ARHGAP24: variants seen among roughly 807,000 people sequenced by gnomAD.
The protein encoded by ARHGAP24 is rho GTPase-activating protein 24.
Under a neutral mutation model 76.4 loss-of-function variants are expected in ARHGAP24, and 50 were observed. The observed-to-expected ratio is 0.65, with a 90% CI of 0.52 to 0.83. The LOEUF (loss-of-function observed/expected upper bound fraction) is 0.83. ARHGAP24 is among the 40% of genes least tolerant of loss of function. The pLI is 0.00. For synonymous variants in ARHGAP24, 345 were observed against 323.3 expected (o/e 1.07, Z -0.72); for missense variants, 930 against 914.2 (o/e 1.02, Z -0.22).
chr4:85,890,586 G>T lies in ARHGAP24; in HGVS notation c.269-33062G>T, dbSNP rs144143164. On this transcript the variant is annotated intron_variant, in intron 3 of 9. Coordinates refer to ENST00000395184, the MANE Select transcript of ARHGAP24 (RefSeq NM_001025616.3). ...CAACCTCAGTCTTTAAGTTTGAATA[G>T]AAATTTTACAAGGAAATAAAGAGGT... 3.3e-5 allele frequency among the ~76,000 whole-genome samples: 5 copies of T among 152,266 alleles called. No individual in the cohort carries two copies. In the East Asian group the frequency reaches 9.6e-4, roughly 29 times the overall value.
intron 3 of ARHGAP24, among the ~76,000 whole-genome samples, chr4:85,916,512 AT>A (rs1367610452): frequency 6.6e-6 from 1 of 152,182 alleles, no homozygotes; most frequent in Non-Finnish European, 1.5e-5. Context: ...ACTTAAAAAA[AT>A]AAATAAATAA....
At chr4:85,675,163 C>G (rs896583139) in intron 2 of ARHGAP24, among the ~76,000 whole-genome samples, 1 of 152,086 alleles carries the variant, frequency 6.6e-6, no homozygotes, top group African/African-American at 2.4e-5. Flanking sequence ...CTGCATGTAG[C>G]AGAAAGAGGA....
At chr4:85,539,425 TGA>T (rs1291823150) in intron 1 of ARHGAP24, among the ~76,000 whole-genome samples, 2 of 152,044 alleles carry the variant, frequency 1.3e-5, no homozygotes, top group East Asian at 3.9e-4. Context: ...CATTTTAATG[TGA>T]GTTAAGAGAA....
intron 3 of ARHGAP24, among the ~76,000 whole-genome samples, chr4:85,849,425 C>T (rs1339150548): frequency 6.6e-6 from 1 of 152,110 alleles, no homozygotes; most frequent in Non-Finnish European, 1.5e-5. Context: ...CTTTCCTAAT[C>T]GAATAGCCTT....
chr4:85,707,882 CTTG>C (rs2110032031), intron 2 of ARHGAP24, among the ~76,000 whole-genome samples: 1 of 152,218 alleles, frequency 6.6e-6, no homozygotes, highest in African/African-American at 2.4e-5. Context: ...TCATAAATTA[CTTG>C]TTAATTGTGT....
At chr4:85,924,287 A>T (rs1335460657) in intron 4 of ARHGAP24, among the ~76,000 whole-genome samples, 2 of 152,180 alleles carry the variant, frequency 1.3e-5, no homozygotes, top group Non-Finnish European at 2.9e-5. Flanking sequence ...GTTTTAGTTA[A>T]CACAGTGTTG....
chr4:85,923,562 G>A, intron 3 of ARHGAP24, 86 bp from the exon 4 acceptor site: 1 of 1,582,676 alleles, frequency 6.3e-7, no homozygotes, highest in South Asian at 1.1e-5. Flanking sequence ...ATTAGGCACA[G>A]TCTCTGTTTC....
At chr4:85,936,342 A>G (rs1266743272) in intron 4 of ARHGAP24, among the ~76,000 whole-genome samples, 1 of 152,158 alleles carries the variant, frequency 6.6e-6, no homozygotes, top group Non-Finnish European at 1.5e-5. Flanking sequence ...GCATGCATTT[A>G]TTCCATAAAT....
intron 3 of ARHGAP24, among the ~76,000 whole-genome samples, chr4:85,910,569 A>G (rs544372196): frequency 5.3e-5 from 8 of 152,218 alleles, no homozygotes; most frequent in African/African-American, 1.9e-4. Context: ...CTCTGTAGAC[A>G]GGTCGTCCCG....
At chr4:85,574,417 C>T (rs1000916482) in intron 2 of ARHGAP24, among the ~76,000 whole-genome samples, 1 of 152,074 alleles carries the variant, frequency 6.6e-6, no homozygotes, top group African/African-American at 2.4e-5. Context: ...CAAGAGGTGA[C>T]CCTGACCTGG....
chr4:85,841,470 A>G (rs1242298845), intron 3 of ARHGAP24, among the ~76,000 whole-genome samples: 1 of 152,252 alleles, frequency 6.6e-6, no homozygotes, highest in East Asian at 1.9e-4. Context: ...CTTAACTTAT[A>G]GTGTAATAGT....
intron 1 of ARHGAP24, among the ~76,000 whole-genome samples, chr4:85,564,172 C>T (rs925441230): frequency 1.3e-5 from 2 of 151,998 alleles, no homozygotes; most frequent in Non-Finnish European, 2.9e-5. Flanking sequence ...AAAAGAATAC[C>T]AACAAATATT....
At chr4:85,632,211 C>A (rs1406882763) in intron 2 of ARHGAP24, among the ~76,000 whole-genome samples, 1 of 151,890 alleles carries the variant, frequency 6.6e-6, no homozygotes, top group Non-Finnish European at 1.5e-5. Flanking sequence ...CATATGTTCT[C>A]TGATCTCTAT....
chr4:85,591,648 C>A (rs1728114963), intron 2 of ARHGAP24, among the ~76,000 whole-genome samples: 1 of 152,108 alleles, frequency 6.6e-6, no homozygotes, highest in South Asian at 2.1e-4. Flanking sequence ...AAAGTATTAG[C>A]TTGAGAAAGA....
intron 1 of ARHGAP24, among the ~76,000 whole-genome samples, chr4:85,519,455 C>T (rs1234166893): frequency 6.6e-6 from 1 of 152,094 alleles, no homozygotes; most frequent in Admixed American, 6.6e-5. Context: ...CATGCCTAGA[C>T]TTAGTTCATT....
chr4:85,575,557 T>G (rs1471264280), intron 2 of ARHGAP24, among the ~76,000 whole-genome samples: 1 of 152,198 alleles, frequency 6.6e-6, no homozygotes, highest in Non-Finnish European at 1.5e-5. Flanking sequence ...TAAAACACAT[T>G]TGAACTGAAT....
At chr4:85,906,988 G>C (rs1188913378) in intron 3 of ARHGAP24, among the ~76,000 whole-genome samples, 1 of 152,170 alleles carries the variant, frequency 6.6e-6, no homozygotes, top group East Asian at 1.9e-4. Context: ...GGTAAAAATG[G>C]AGACTGACTA....
intron 2 of ARHGAP24, among the ~76,000 whole-genome samples, chr4:85,720,435 A>G (rs1161053728): frequency 3.9e-5 from 6 of 152,286 alleles, no homozygotes; most frequent in Non-Finnish European, 7.4e-5. Flanking sequence ...GCAACTGCAT[A>G]GAAGAGGGTG....
intron 2 of ARHGAP24, among the ~76,000 whole-genome samples, chr4:85,590,196 T>G (rs28505877): frequency 0.1 from 1,037 of 10,292 alleles, 13 homozygotes; most frequent in East Asian, 0.45. Flanking sequence ...CTGCCTGCCT[T>G]CCTTCCTTCC....
Sources: allele counts gnomAD v4.1 joint callset (sites outside exome capture counted in the v4.1 genomes callset), GRCh38; gene constraint gnomAD v4.1.1; transcripts MANE v1.5; gene names NCBI Gene and HGNC (gene_info 2026-07-23, HGNC 2026-07-21).